The following SLC15A2 variants were observed in gnomAD, a reference collection of about 807,000 sequenced individuals.
SLC15A2 encodes the protein kidney H(+)/peptide cotransporter.
In SLC15A2, 77 loss-of-function variants were observed where a neutral mutation model predicts 95.5. The observed-to-expected ratio is 0.81, with a 90% CI of 0.67 to 0.97. The LOEUF is 0.97. Ranked by LOEUF, SLC15A2 falls within the 50% of genes least tolerant of loss-of-function variation. The pLI is 0.00. For synonymous variants in SLC15A2, 306 were observed against 306.9 expected, an observed-to-expected ratio of 1.00 and a Z score of 0.03; for missense variants, 893 against 874.4, an observed-to-expected ratio of 1.02 and a Z score of -0.27.
intron 20 of SLC15A2, among the ~76,000 whole-genome samples, chr3:121,939,750 T>G (rs559275755): frequency 7.9e-5 from 12 of 152,222 alleles, no homozygotes; most frequent in African/African-American, 2.6e-4. Flanking sequence ...CTTCCCGTGT[T>G]CAAATTTTGG....
chr3:121,938,945 G>A (rs1486497116), intron 19 of SLC15A2, among the ~76,000 whole-genome samples: 3 of 152,220 alleles, frequency 2.0e-5, no homozygotes, highest in African/African-American at 7.2e-5. Flanking sequence ...GGCATAGCCT[G>A]AGAAGTATAA....
intron 3 of SLC15A2, among the ~76,000 whole-genome samples, chr3:121,906,748 C>A (rs1333313386): frequency 1.3e-5 from 2 of 152,166 alleles, no homozygotes; most frequent in Non-Finnish European, 2.9e-5. Context: ...TGATGGGCTT[C>A]CCTTTGTGGG....
intron 7 of SLC15A2, among the ~76,000 whole-genome samples, chr3:121,916,533 T>C (rs1709897209): frequency 6.6e-6 from 1 of 152,182 alleles, no homozygotes; most frequent in African/African-American, 2.4e-5. Flanking sequence ...ATAGTAGTAC[T>C]CAGAATTCCC....
chr3:121,938,819 C>A (rs886938628), intron 19 of SLC15A2, among the ~76,000 whole-genome samples: 3 of 152,202 alleles, frequency 2.0e-5, no homozygotes, highest in Non-Finnish European at 2.9e-5. Context: ...ACCCTCCTGG[C>A]CAAAAGCAGC....
intron 1 of SLC15A2, among the ~76,000 whole-genome samples, chr3:121,894,860 T>C (rs1228969749): frequency 2.0e-5 from 3 of 152,212 alleles, no homozygotes. Context: ...GCAATTCGAA[T>C]GTCCAGGGAA....
chr3:121,902,585 C>A (rs1709541510), intron 3 of SLC15A2, among the ~76,000 whole-genome samples: 1 of 152,146 alleles, frequency 6.6e-6, no homozygotes, highest in Non-Finnish European at 1.5e-5. Context: ...GTTCAATTCC[C>A]ACCTATGAGT....
chr3:121,922,958 T>C, intron 9 of SLC15A2, 82 bp from the exon 10 acceptor site: 3 of 1,547,098 alleles, frequency 1.9e-6, no homozygotes, highest in Non-Finnish European at 1.8e-6. Flanking sequence ...CTCTCTACTG[T>C]TTTTTGGACA....
In SLC15A2 at chr3:121,912,394, C is replaced by T. The variant is rs536250454; in HGVS notation, c.429-627C>T. ...GATTACAGGCGGCTGCCACCACGCCCGGCTAATTTGTGTATTTTTCGTAGA... is the reference window on the plus strand; with the variant it reads ...GATTACAGGCGGCTGCCACCACGCCTGGCTAATTTGTGTATTTTTCGTAGA... On this transcript the variant is annotated intron_variant, in intron 4 of 21. Transcript: ENST00000489711. Among the ~76,000 whole-genome samples, 14 of 152,150 alleles carry T rather than the reference C, an allele frequency of 9.2e-5. No individual in the cohort carries two copies. The South Asian group carries it at 1.9e-3, about 20-fold the overall frequency.
rs534766628 is a variant in SLC15A2, at chr3:121,923,270, A to G, written c.1002+4A>G. ...CATCAGGATGAATAGGAATTTGGTG[A>G]GTAGAAGAGATTTTCCAGAGAAGTC... On this transcript the variant is annotated splice_donor_region_variant and intron_variant, in intron 11 of 21. Transcript: ENST00000489711. 1.6e-5 allele frequency: 26 copies of G among 1,613,474 alleles called. 1 individual carries two copies. In the South Asian group the frequency reaches 2.6e-4, roughly 16 times the overall value.
chr3:121,931,129 T>C (rs1710225198), intron 18 of SLC15A2, among the ~76,000 whole-genome samples, 179 bp downstream of exon 18: 1 of 152,210 alleles, frequency 6.6e-6, no homozygotes, highest in African/African-American at 2.4e-5. Context: ...TGCACAGATA[T>C]GTTGAGATCA....
In SLC15A2 at chr3:121,925,767, TATATATATATATATAA is replaced by T. The variant is rs1241286795; in HGVS notation, c.1124+736_1124+751del. Among the ~76,000 whole-genome samples the T allele has an allele frequency of 7.4e-3, 655 of 88,920 alleles. 40 individuals are homozygous for T. The highest frequency in any genetic ancestry group is 0.019 in the African/African-American group (340 of 18,292). 58.3% of individuals were successfully genotyped at this position (88,920 alleles called of 152,430 possible). A position where few individuals can be genotyped will look rare whatever the true frequency, so the allele number is the denominator to read the frequency against. On this transcript the variant is annotated intron_variant, in intron 13 of 21. Transcript: ENST00000489711. ...ATATATATATATATATATATATATA[TATATATATATATATAA>T]AATACAACTACTACACAGGTAAAAT...
chr3:121,937,496 T>A, intron 19 of SLC15A2, among the ~76,000 whole-genome samples: 1 of 147,770 alleles, frequency 6.8e-6, no homozygotes. Flanking sequence ...ACTTCCCTTC[T>A]CGCTTCATTT....
At chr3:121,932,868 G>A (rs1480093601) in intron 19 of SLC15A2, among the ~76,000 whole-genome samples, 5 of 152,096 alleles carry the variant, frequency 3.3e-5, no homozygotes, top group African/African-American at 7.2e-5. Context: ...CCACTAACTC[G>A]TCATCTAGCA....
chr3:121,914,403 T>A (rs574645876), intron 5 of SLC15A2, among the ~76,000 whole-genome samples: 1 of 152,292 alleles, frequency 6.6e-6, no homozygotes, highest in East Asian at 1.9e-4. Flanking sequence ...GATATTTCAA[T>A]TAGTAAGACA....
chr3:121,909,448 C>T (rs1356097499), intron 3 of SLC15A2, among the ~76,000 whole-genome samples: 1 of 152,182 alleles, frequency 6.6e-6, no homozygotes, highest in Non-Finnish European at 1.5e-5. Context: ...TGAAGTCAAC[C>T]TAAAGCATTT....
intron 11 of SLC15A2, 132 bp downstream of exon 11, chr3:121,923,398 C>A: frequency 1.2e-6 from 1 of 830,034 alleles, no homozygotes; most frequent in Non-Finnish European, 1.9e-6. Flanking sequence ...CCTGAAGGTA[C>A]CGTGTAGGCA....
At chr3:121,897,624 A>G (rs1301272173) in intron 3 of SLC15A2, 95 bp downstream of exon 3, 3 of 1,217,550 alleles carry the variant, frequency 2.5e-6, no homozygotes, top group South Asian at 1.4e-5. Context: ...GAACATACCT[A>G]TGTCATGCGT....
intron 2 of SLC15A2, 25 bp from the exon 3 acceptor site, chr3:121,897,363 C>A: frequency 6.2e-7 from 1 of 1,611,438 alleles, no homozygotes; most frequent in South Asian, 1.1e-5. Flanking sequence ...TGTCTCCCCA[C>A]GCCTCCTTTT....
chr3:121,894,971 C>G (rs1253960128), intron 1 of SLC15A2, among the ~76,000 whole-genome samples: 1 of 152,190 alleles, frequency 6.6e-6, no homozygotes, highest in Non-Finnish European at 1.5e-5. Context: ...GAGTCTTCTG[C>G]TGAACACCAA....
Sources: allele counts gnomAD v4.1 joint callset (sites outside exome capture counted in the v4.1 genomes callset), GRCh38; gene constraint gnomAD v4.1.1; transcripts MANE v1.5; gene names NCBI Gene and HGNC (gene_info 2026-07-23, HGNC 2026-07-21).